Variants in PIAS3 observed in about 807,000 individuals in gnomAD.
The protein encoded by PIAS3 is E3 SUMO-protein ligase PIAS3.
PIAS3 carries 34 observed loss-of-function variants against 67.6 expected under a neutral mutation model. The ratio of observed to expected loss-of-function variants is 0.50; its 90% CI spans 0.38 to 0.67. The LOEUF is 0.67. PIAS3 is among the 30% of genes least tolerant of loss of function. The pLI, the probability that PIAS3 is intolerant of heterozygous loss-of-function variation, is 0.00. For missense variants in PIAS3, 693 were observed against 791.6 expected (o/e 0.88, Z 1.49); for synonymous variants, 341 against 313.8 (o/e 1.09, Z -0.92).
chr1:145,855,263 C>T (rs1653119800), intron 5 of PIAS3, among the ~76,000 whole-genome samples: 1 of 152,140 alleles, frequency 6.6e-6, no homozygotes, highest in Non-Finnish European at 1.5e-5. Flanking sequence ...GGGTGGATCA[C>T]CTGAGGTCAG....
intron 13 of PIAS3, 146 bp from the exon 14 acceptor site, chr1:145,849,858 T>C: frequency 6.8e-7 from 1 of 1,473,782 alleles, no homozygotes; most frequent in Non-Finnish European, 8.9e-7. Flanking sequence ...CTCTCCCTCT[T>C]TCCCCTACTT....
rs1050057 is a variant in PIAS3 at position 145,848,665 on chromosome 1, A to C, written c.*781T>G. ...GCACAGGGTCCTTCCACCTCCCTGG[A>C]AAGGTGCAGAATGAGCCAGGCCTAA... is the stretch of plus-strand genomic sequence containing the variant. On this transcript the variant is annotated 3_prime_UTR_variant, in exon 14 of 14. Coordinates refer to ENST00000393045, the MANE Select transcript of PIAS3 (RefSeq NM_006099.3). The C allele has an allele frequency of 0.029, 16,976 of 581,480 alleles. 2,157 individuals are homozygous for C. The highest frequency in any genetic ancestry group is 0.28 in the African/African-American group (15,055 of 53,504). The allele number at this position is 581,480 out of a possible 1,614,324, so 36.0% of individuals were successfully genotyped here.
At chr1:145,853,961 C>T in intron 7 of PIAS3, 75 bp from the exon 8 acceptor site, 1 of 1,326,714 alleles carries the variant, frequency 7.5e-7, no homozygotes, top group East Asian at 2.3e-5. Flanking sequence ...AGGCCAGGAA[C>T]AGATGGCTCT....
rs1553734202 is a variant in PIAS3, at chr1:145,850,935, G to A, written c.1284C>T (p.Leu428=). Residue 428 remains leucine, a synonymous_variant, in exon 11 of 14, where the codon CTC becomes CTT. Coordinates refer to ENST00000393045, the MANE Select transcript of PIAS3 (RefSeq NM_006099.3). The part of the protein sequence containing the change: ...CPPPGYGLDG[L]QYSPVQGGDP... ...CTCCCCCCTGGACTGGGCTGTACTG[G>A]AGGCCTGTGGGTATTAAGAAGACTA... 4 of 1,614,150 alleles carry A rather than the reference G, an allele frequency of 2.5e-6. No homozygotes were observed. Among genetic ancestry groups the A allele is most frequent in the Non-Finnish European group, 3.4e-6 (4 of 1,180,010 alleles).
chr1:145,849,463 TG>T lies in PIAS3; in HGVS notation c.1869del (p.Asp623GlufsTer33). The T allele has an allele frequency of 6.6e-7, 1 of 1,505,944 alleles. No individual in the cohort carries two copies. The highest frequency in any genetic ancestry group is 1.4e-5 in the African/African-American group (1 of 71,180). The allele number at this position is 1,505,944 out of a possible 1,614,324, so 93.3% of individuals were successfully genotyped here. On this transcript the variant is annotated frameshift_variant, in exon 14 of 14. Coordinates refer to ENST00000393045, the MANE Select transcript of PIAS3 (RefSeq NM_006099.3). LOFTEE classifies it high-confidence loss of function. Reference sequence around the variant, plus strand: ...CAGGGAACTCAGTCCAGGGAAATGATGTCTGACCGACAGCCAGTCAAAGAGG... The same window carrying T: ...CAGGGAACTCAGTCCAGGGAAATGATTCTGACCGACAGCCAGTCAAAGAGG... ...SGPSLTGCRS[D>X]IISLD
chr1:145,856,944 G>A lies in PIAS3; in HGVS notation c.87C>T (p.Asn29=). ...LQVLLGFAGR[N]KSGRKHELLA... ...GGAGCTCGTGCTTCCGTCCACTCTT[G>A]TTCCGGCCAGCAAAGCCAAGAAGCA... Residue 29 remains asparagine (N), a synonymous_variant, in exon 2 of 14, where the codon AAC becomes AAT. Coordinates refer to ENST00000393045, the MANE Select transcript of PIAS3 (RefSeq NM_006099.3). 1.9e-6 allele frequency: 3 copies of A among 1,614,108 alleles called. No individual in the cohort carries two copies. The highest frequency in any genetic ancestry group is 2.5e-6 in the Non-Finnish European group (3 of 1,179,970).
rs1553733589 is a variant in PIAS3 at position 145,849,570 on chromosome 1, G to A, written c.1763C>T (p.Pro588Leu). ...AATGCTGCTGACACGGCCAGGAGGG[G>A]GCGCCGGAGTGGCGCTGCAGTGGGA... ...GSSHCSATPAPPPGRVSSIVA... is the reference protein window; with the variant it reads ...GSSHCSATPALPPGRVSSIVA... The change falls in exon 14 of 14, where the codon CCC becomes CTC. Residue 588 changes from proline to leucine, a missense_variant. Pro to Leu is a moderately conservative substitution (Grantham distance 98). This residue lies in a region of PIAS3 where 270 missense variants were observed against 261.0 expected (regional missense o/e 1.03). Transcript: ENST00000393045. 3 of 1,610,064 alleles carry A rather than the reference G, an allele frequency of 1.9e-6. No homozygotes were observed. Among genetic ancestry groups the A allele is most frequent in the East Asian group, 2.2e-5 (1 of 44,620 alleles).
At position 145,855,747 on chromosome 1, in the gene PIAS3, A is replaced by G; in HGVS notation, c.658T>C (p.Cys220Arg). Residue 220 changes from cysteine (C) to arginine (R), a missense_variant, in exon 5 of 14, where the codon TGC (cysteine) becomes CGC (arginine). Physicochemically the swap from Cys to Arg is radical, Grantham distance 180. This residue lies in a region of PIAS3 where 308 missense variants were observed against 348.8 expected (regional missense o/e 0.88). Coordinates refer to ENST00000393045, the MANE Select transcript of PIAS3 (RefSeq NM_006099.3). ...GGGAGAGCATTTACCGGCAGGGGGC[A>G]CAGTTTCCCATTGACCTTGACAAAG... The part of the protein sequence containing the change: ...NLFVKVNGKL[C>R]PLPGYLPPTK... 1 of 1,585,958 alleles carries G rather than the reference A, an allele frequency of 6.3e-7. No individual in the cohort carries two copies. The highest frequency in any genetic ancestry group is 8.6e-7 in the Non-Finnish European group (1 of 1,156,926).
intron 6 of PIAS3, 76 bp downstream of exon 6, chr1:145,854,670 C>T (rs1553735153): frequency 1.2e-6 from 2 of 1,606,290 alleles, no homozygotes; most frequent in Non-Finnish European, 1.7e-6. Context: ...GAAAATGCTT[C>T]CCCAACCCAG....
At chr1:145,855,030 G>C (rs1653110852) in intron 5 of PIAS3, 150 bp from the exon 6 acceptor site, 7 of 873,130 alleles carry the variant, frequency 8.0e-6, no homozygotes, top group Non-Finnish European at 1.3e-5. Flanking sequence ...GGCCCATTCA[G>C]TGGCTCACAA....
chr1:145,858,685 A>G (rs1361846973), intron 1 of PIAS3, among the ~76,000 whole-genome samples: 2 of 113,546 alleles, frequency 1.8e-5, no homozygotes, highest in South Asian at 2.9e-4. Context: ...CGCCCCTACT[A>G]CTAAATCCGA....
chr1:145,852,205 C>T (rs1437958282), intron 9 of PIAS3, among the ~76,000 whole-genome samples: 1 of 152,148 alleles, frequency 6.6e-6, no homozygotes, highest in African/African-American at 2.4e-5. Context: ...CTGCAGTGAG[C>T]TATGATTGTG....
chr1:145,849,873 A>G, intron 13 of PIAS3, 161 bp from the exon 14 acceptor site: 1 of 1,472,186 alleles, frequency 6.8e-7, no homozygotes, highest in Non-Finnish European at 8.9e-7. Flanking sequence ...CTACTTCCCT[A>G]CACCCTTCCC....
chr1:145,849,481 T>C lies in PIAS3; in HGVS notation c.1852A>G (p.Thr618Ala). ...GAAATGATGTCTGACCGACAGCCAG[T>C]CAAAGAGGGACCTGAGGGCAGGGGT... ...GGPLPSGPSL[T>A]GCRSDIISLD Residue 618 changes from threonine to alanine, a missense_variant, in exon 14 of 14, where the codon ACT (threonine) becomes GCT (alanine). Physicochemically the swap from Thr to Ala is moderately conservative, Grantham distance 58. This residue lies in a region of PIAS3 where 270 missense variants were observed against 261.0 expected (regional missense o/e 1.03). Coordinates refer to ENST00000393045, the MANE Select transcript of PIAS3 (RefSeq NM_006099.3). The C allele has an allele frequency of 1.3e-6, 2 of 1,519,246 alleles. No homozygotes were observed. The highest frequency in any genetic ancestry group is 1.4e-5 in the African/African-American group (1 of 71,250). The allele number at this position is 1,519,246 out of a possible 1,614,324, so 94.1% of individuals were successfully genotyped here.
rs1326546836 is a variant in PIAS3, at chr1:145,848,642, ACAGGGTCCTTCCACCTCCCTGGAAAGGTG to A, written c.*775_*803del. Reference sequence around the variant, plus strand: ...GAAAAAGAAGATTGGGAAGGAGGGCACAGGGTCCTTCCACCTCCCTGGAAAGGTGCAGAATGAGCCAGGCCTAACTACAG... The same window carrying A: ...GAAAAAGAAGATTGGGAAGGAGGGCACAGAATGAGCCAGGCCTAACTACAG... On this transcript the variant is annotated 3_prime_UTR_variant, in exon 14 of 14. Transcript: ENST00000393045. The A allele has an allele frequency of 3.3e-6, 2 of 610,478 alleles. No individual in the cohort carries two copies. The highest frequency in any genetic ancestry group is 3.7e-5 in the African/African-American group (2 of 54,174). 37.8% of individuals were successfully genotyped at this position (610,478 alleles called of 1,614,324 possible).
At position 145,849,850 on chromosome 1, in the gene PIAS3, C is replaced by G. The variant is rs147776774; in HGVS notation, c.1621-138G>C. 2.7e-5 allele frequency: 40 copies of G among 1,476,272 alleles called. No homozygotes were observed. The African/African-American group carries it at 4.8e-4, about 18-fold the overall frequency. 91.4% of individuals were successfully genotyped at this position (1,476,272 alleles called of 1,614,324 possible). On this transcript the variant is annotated intron_variant, in intron 13 of 13. Coordinates refer to ENST00000393045, the MANE Select transcript of PIAS3 (RefSeq NM_006099.3). The stretch of plus-strand genomic sequence containing the variant: ...ATTCTCTTGAGAAGCAGGAGAGCCT[C>G]TCCCTCTTTCCCCTACTTCCCTACA...
In PIAS3 at chr1:145,856,569, G is replaced by A; in HGVS notation, c.442+20C>T. 6.3e-7 allele frequency: 1 copy of A among 1,576,536 alleles called. No individual in the cohort carries two copies. The highest frequency in any genetic ancestry group is 8.6e-7 in the Non-Finnish European group (1 of 1,160,190). On this transcript the variant is annotated intron_variant, in intron 2 of 13. Transcript: ENST00000393045. ...ACAGGTAGGGAGTCCAGAAGACTAA[G>A]GGACCACAAAGAGCCATACCAAGGG...
At position 145,849,416 on chromosome 1, in the gene PIAS3, G is replaced by T; in HGVS notation, c.*30C>A. 1.4e-6 allele frequency: 2 copies of T among 1,477,026 alleles called. No individual in the cohort carries two copies. Among genetic ancestry groups the T allele is most frequent in the East Asian group, 2.4e-5 (1 of 41,200 alleles). The allele number at this position is 1,477,026 out of a possible 1,614,324, so 91.5% of individuals were successfully genotyped here. ...CACAGCATACTTGCTCAGTGTTGGG[G>T]GACAGCGAAGTTTCCATAATCCAGG... On this transcript the variant is annotated 3_prime_UTR_variant, in exon 14 of 14. Transcript: ENST00000393045.
At chr1:145,857,282 G>T in intron 1 of PIAS3, 2 of 489,890 alleles carry the variant, frequency 4.1e-6, no homozygotes, top group East Asian at 7.2e-5. Flanking sequence ...GTGGGGCAGG[G>T]AATGGCAGAC....
Sources: gnomAD v4.1 joint callset for allele counts (sites outside exome capture counted in the v4.1 genomes callset) on GRCh38, gnomAD v4.1.1 for gene constraint, gnomAD v4.1.1 regional missense constraint, MANE v1.5 for transcripts, NCBI Gene and HGNC (gene_info 2026-07-23, HGNC 2026-07-21) for gene names.